Variants in SBF2 observed in about 807,000 individuals in gnomAD.
SBF2 encodes SET binding factor 2.
A neutral mutation model predicts 225.2 loss-of-function variants in SBF2; 112 were observed. The ratio of observed to expected loss-of-function variants is 0.50; its 90% confidence interval spans 0.43 to 0.58. SBF2 has a LOEUF of 0.58. SBF2 is among the 20% of genes least tolerant of loss of function. SBF2 has a pLI of 0.00. For missense variants in SBF2, 1,996 were observed against 2,206.2 expected, an observed-to-expected ratio of 0.90 and a Z score of 1.91; for synonymous variants, 763 against 773.3, an observed-to-expected ratio of 0.99 and a Z score of 0.22.
At chr11:9,878,931 T>C (rs1399871376) in intron 17 of SBF2, among the ~76,000 whole-genome samples, 1 of 152,206 alleles carries the variant, frequency 6.6e-6, no homozygotes, top group Non-Finnish European at 1.5e-5. Context: ...GTGACCCCTC[T>C]TTATCTTTAC....
chr11:9,947,035 A>T (rs1865605090), intron 16 of SBF2, among the ~76,000 whole-genome samples: 1 of 81,958 alleles, frequency 1.2e-5, no homozygotes, highest in African/African-American at 3.7e-5. Flanking sequence ...TAGTTATTTG[A>T]TCTAATTAGA....
chr11:9,896,813 C>T (rs1445443007), intron 16 of SBF2, among the ~76,000 whole-genome samples: 5 of 148,058 alleles, frequency 3.4e-5, no homozygotes, highest in Admixed American at 6.7e-5. Flanking sequence ...GGGGGTGGGG[C>T]GGGGAGGATC....
At chr11:9,998,756 TTGGAGAAA>T (rs1947818356) in intron 8 of SBF2, among the ~76,000 whole-genome samples, 2 of 152,158 alleles carry the variant, frequency 1.3e-5, no homozygotes, top group South Asian at 4.1e-4. Context: ...GAGGATTCTG[TTGGAGAAA>T]CAAGAAGGAA....
At chr11:9,799,418 C>T (rs1359560207) in intron 32 of SBF2, among the ~76,000 whole-genome samples, 1 of 152,156 alleles carries the variant, frequency 6.6e-6, no homozygotes, top group Admixed American at 6.5e-5. Flanking sequence ...ACAGGAGCAC[C>T]TGCAGTCGCT....
At chr11:9,994,212 C>T (rs1000376696) in intron 9 of SBF2, among the ~76,000 whole-genome samples, 5 of 152,142 alleles carry the variant, frequency 3.3e-5, no homozygotes, top group Admixed American at 6.5e-5. Flanking sequence ...CGGTGGCTCA[C>T]GCCTGTAATC....
intron 17 of SBF2, among the ~76,000 whole-genome samples, chr11:9,871,051 A>C (rs916914763): frequency 6.6e-6 from 1 of 152,118 alleles, no homozygotes; most frequent in Admixed American, 6.6e-5. Context: ...ACCCTAGGAG[A>C]AAATCTAGGC....
intron 39 of SBF2, 26 bp downstream of exon 39, chr11:9,781,481 G>A: frequency 6.2e-7 from 1 of 1,613,986 alleles, no homozygotes; most frequent in Non-Finnish European, 8.5e-7. Context: ...GACAGAGCCA[G>A]GAAAAGAGAA....
intron 17 of SBF2, among the ~76,000 whole-genome samples, chr11:9,892,263 C>G (rs1860888886): frequency 6.6e-6 from 1 of 152,072 alleles, no homozygotes; most frequent in African/African-American, 2.4e-5. Flanking sequence ...GGACTATAGG[C>G]ACACTCCACC....
intron 28 of SBF2, 88 bp from the exon 29 acceptor site, chr11:9,817,112 GT>G: frequency 7.2e-7 from 1 of 1,393,358 alleles, no homozygotes; most frequent in South Asian, 1.2e-5. Flanking sequence ...TGGAGCTACA[GT>G]TTTAGAGGTC....
chr11:10,193,846 T>C lies in SBF2; in HGVS notation c.141+56A>G, dbSNP rs1432963877. 4.3e-6 allele frequency: 5 copies of C among 1,149,602 alleles called. No individual in the cohort carries two copies. In the African/African-American group the frequency reaches 4.6e-5, roughly 11 times the overall value. The allele number at this position is 1,149,602 out of a possible 1,614,324, so 71.2% of individuals were successfully genotyped here. On this transcript the variant is annotated intron_variant, in intron 2 of 39. Coordinates refer to ENST00000256190, the MANE Select transcript of SBF2 (RefSeq NM_030962.4). ...AATGTAACATAAATGTAAAAATCAA[T>C]GTGACAAAAAAGAAAAGTAACATTA...
intron 35 of SBF2, among the ~76,000 whole-genome samples, chr11:9,788,196 G>A (rs554760836): frequency 6.6e-6 from 1 of 152,272 alleles, no homozygotes; most frequent in Admixed American, 6.5e-5. Context: ...AATGCCCAAG[G>A]AAACAGATAT....
chr11:10,158,774 C>T (rs569594195), intron 2 of SBF2, among the ~76,000 whole-genome samples: 36 of 152,318 alleles, frequency 2.4e-4, no homozygotes, highest in African/African-American at 7.9e-4. Flanking sequence ...TGGAATTCAA[C>T]AGCACACTGC....
intron 1 of SBF2, among the ~76,000 whole-genome samples, chr11:10,267,252 T>C (rs539689718): frequency 2.8e-4 from 43 of 152,048 alleles, no homozygotes; most frequent in East Asian, 1.8e-3. Flanking sequence ...CAGATGGCTA[T>C]ACAAACCCGA....
intron 16 of SBF2, among the ~76,000 whole-genome samples, chr11:9,942,812 CAGAGTAAG>C (rs1314027902): frequency 1.3e-5 from 2 of 148,252 alleles, no homozygotes; most frequent in Non-Finnish European, 3.0e-5. Flanking sequence ...GCCTGGGCGA[CAGAGTAAG>C]AGAGTAAGAC....
At chr11:10,193,504 G>A (rs948058072) in intron 2 of SBF2, among the ~76,000 whole-genome samples, 37 of 151,812 alleles carry the variant, frequency 2.4e-4, no homozygotes, top group South Asian at 4.2e-4. Context: ...ACAGACGCCC[G>A]CCACCACGCC....
intron 1 of SBF2, among the ~76,000 whole-genome samples, chr11:10,245,919 A>C (rs1033021216): frequency 3.3e-5 from 5 of 152,170 alleles, no homozygotes; most frequent in Non-Finnish European, 7.3e-5. Flanking sequence ...TTATAGGGGG[A>C]ATCTATAATA....
chr11:10,292,313 T>C (rs191882388), intron 1 of SBF2, among the ~76,000 whole-genome samples: 225 of 152,328 alleles, frequency 1.5e-3, no homozygotes, highest in Admixed American at 2.4e-3. Flanking sequence ...GGTCAACAGC[T>C]TCCTCTCAAA....
chr11:10,184,591 T>C (rs887723447), intron 2 of SBF2, among the ~76,000 whole-genome samples: 26 of 152,200 alleles, frequency 1.7e-4, no homozygotes, highest in Non-Finnish European at 5.9e-5. Flanking sequence ...TCACAATCTA[T>C]ACCCACTAAA....
chr11:9,842,819 A>T, intron 24 of SBF2, 49 bp from the exon 25 acceptor site: 2 of 1,592,674 alleles, frequency 1.3e-6, no homozygotes, highest in Non-Finnish European at 1.7e-6. Flanking sequence ...TAAAAGCACT[A>T]CTTGTATTGT....
Sources: allele counts gnomAD v4.1 joint callset (sites outside exome capture counted in the v4.1 genomes callset), GRCh38; gene constraint gnomAD v4.1.1; transcripts MANE v1.5; gene names NCBI Gene and HGNC (gene_info 2026-07-23, HGNC 2026-07-21).